The following ERMP1 variants were observed in gnomAD, a reference collection of about 807,000 sequenced individuals.
ERMP1 encodes endoplasmic reticulum metallopeptidase 1.
In ERMP1, 86 loss-of-function variants were observed where a neutral mutation model predicts 92.0. The ratio of observed to expected loss-of-function variants is 0.93; its 90% CI spans 0.79 to 1.12. The LOEUF is 1.12. Among genes scored for constraint, ERMP1 ranks in the 50% most tolerant of loss-of-function variants. ERMP1 has a pLI of 0.00. For synonymous variants in ERMP1, 530 were observed against 412.8 expected (o/e 1.28, Z -3.44); for missense variants, 1,342 against 1,116.3 (o/e 1.20, Z -2.88).
At chr9:5,855,180 T>C (rs899726257) in intron 6 of ERMP1, among the ~76,000 whole-genome samples, 7 of 152,130 alleles carry the variant, frequency 4.6e-5, no homozygotes, top group African/African-American at 1.7e-4. Flanking sequence ...CAAAAATATA[T>C]AGTCTAAAAA....
chr9:5,843,784 TC>T (rs1012650760), intron 6 of ERMP1, among the ~76,000 whole-genome samples: 26 of 152,230 alleles, frequency 1.7e-4, no homozygotes, highest in African/African-American at 5.8e-4. Flanking sequence ...CTCATCCCCA[TC>T]CCCTACCACG....
In ERMP1 at chr9:5,784,702, C is replaced by T. The variant is rs1827865089; in HGVS notation, c.*2442G>A. The T allele has an allele frequency of 6.7e-6, 1 of 148,566 alleles. No individual in the cohort carries two copies. The highest frequency in any genetic ancestry group is 1.5e-5 in the Non-Finnish European group (1 of 67,468). 9.2% of individuals were successfully genotyped at this position (148,566 alleles called of 1,614,324 possible). A position where few individuals can be genotyped will look rare whatever the true frequency, so the allele number is the denominator to read the frequency against. ...TGAGACAGCAGGCTGGCTTGTGGCC[C>T]CCTGGGTGGTAACATCTTAAGGAAT... On this transcript the variant is annotated 3_prime_UTR_variant, in exon 15 of 15. Coordinates refer to ENST00000339450, the MANE Select transcript of ERMP1 (RefSeq NM_024896.3).
chr9:5,830,705 T>C (rs1479557135), intron 2 of ERMP1, 22 bp downstream of exon 2: 3 of 1,574,994 alleles, frequency 1.9e-6, no homozygotes, highest in East Asian at 2.3e-5. Context: ...AAGTTCCAAA[T>C]GACTAAAAAA....
upstream of ERMP1, among the ~76,000 whole-genome samples, chr9:5,834,977 A>ATGTGTGTGTGTG (rs71326191): frequency 1.6e-5 from 2 of 125,086 alleles, no homozygotes; most frequent in African/African-American, 6.2e-5. Context: ...GGATAGATAG[A>ATGTGTGTGTGTG]TGTGTGTGTG....
In ERMP1 at chr9:5,832,684, C is replaced by T; in HGVS notation, c.338+6G>A. On this transcript the variant is annotated splice_donor_region_variant and intron_variant, in intron 1 of 14. Coordinates refer to ENST00000339450, the MANE Select transcript of ERMP1 (RefSeq NM_024896.3). ...GCGGGCCGTGCCAGGAGGGAGCGGCCGGTACCTGGCTTGGAGCGCGTCGAA... is the reference window on the plus strand; with the variant it reads ...GCGGGCCGTGCCAGGAGGGAGCGGCTGGTACCTGGCTTGGAGCGCGTCGAA... 1 of 1,430,954 alleles carries T rather than the reference C, an allele frequency of 7.0e-7. No individual in the cohort carries two copies. Among genetic ancestry groups the T allele is most frequent in the Non-Finnish European group, 9.1e-7 (1 of 1,098,746 alleles). The allele number at this position is 1,430,954 out of a possible 1,614,324, so 88.6% of individuals were successfully genotyped here.
chr9:5,825,920 T>G (rs1340837667), intron 2 of ERMP1, among the ~76,000 whole-genome samples: 2 of 152,226 alleles, frequency 1.3e-5, no homozygotes, highest in Admixed American at 6.5e-5. Flanking sequence ...CTGTCTTGCT[T>G]TTTTAAAGCA....
At chr9:5,823,224 G>A (rs1308306447) in intron 4 of ERMP1, among the ~76,000 whole-genome samples, 5 of 152,042 alleles carry the variant, frequency 3.3e-5, no homozygotes, top group African/African-American at 1.2e-4. Context: ...GGTCAAGGCT[G>A]CATGATGGCA....
chr9:5,788,323 T>C (rs1198554141), intron 13 of ERMP1, among the ~76,000 whole-genome samples: 3 of 152,102 alleles, frequency 2.0e-5, no homozygotes, highest in Non-Finnish European at 4.4e-5. Context: ...AATACTACTA[T>C]AGTGTCCAGT....
chr9:5,836,913 T>C (rs978650618), upstream of ERMP1, among the ~76,000 whole-genome samples: 5 of 152,112 alleles, frequency 3.3e-5, no homozygotes, highest in South Asian at 4.2e-4. Flanking sequence ...GAGAGGGTAA[T>C]TGCACTCTAC....
At chr9:5,812,643 T>A in intron 5 of ERMP1, 1 of 520,290 alleles carries the variant, frequency 1.9e-6, no homozygotes, top group South Asian at 2.2e-5. Context: ...CTTTTGGGAA[T>A]GAGGTGCTAA....
In ERMP1 at chr9:5,811,304, A is replaced by G; in HGVS notation, c.1134T>C (p.Val378=). 1 of 1,613,174 alleles carries G rather than the reference A, an allele frequency of 6.2e-7. No homozygotes were observed. The highest frequency in any genetic ancestry group is 8.5e-7 in the Non-Finnish European group (1 of 1,179,636). The change falls in exon 7 of 15, where the codon GTT becomes GTC. Residue 378 remains valine (V), a synonymous_variant. Transcript: ENST00000339450. The part of the protein sequence containing the change: ...IQRAGDNILA[V]LKHLATSDML... ...TATCAGATGTAGCTAGATGCTTAAG[A>G]ACTGCTAAAATGTTGTCACCTATTA... is the stretch of plus-strand genomic sequence containing the variant.
intron 5 of ERMP1, among the ~76,000 whole-genome samples, chr9:5,861,590 A>T (rs2129782774): frequency 6.6e-6 from 1 of 152,274 alleles, no homozygotes; most frequent in South Asian, 2.1e-4. Context: ...GATGCACAAG[A>T]CAGGGCCTCT....
rs1051304530 is a variant in ERMP1 at position 5,824,948 on chromosome 9, C to G, written c.768+144G>C. The G allele has an allele frequency of 5.5e-6, 4 of 728,436 alleles. No homozygotes were observed. The Admixed American group carries it at 8.2e-5, about 15-fold the overall frequency. 45.1% of individuals were successfully genotyped at this position (728,436 alleles called of 1,614,324 possible). ...TGGTTGTGAATTTGTTAAAGTACTG[C>G]TCATAAAGTATTTTTCTGCATATTA... is the stretch of plus-strand genomic sequence containing the variant. On this transcript the variant is annotated intron_variant, in intron 3 of 14. Coordinates refer to ENST00000339450, the MANE Select transcript of ERMP1 (RefSeq NM_024896.3).
At chr9:5,794,572 TA>T (rs1312299033) in intron 13 of ERMP1, among the ~76,000 whole-genome samples, 1 of 152,108 alleles carries the variant, frequency 6.6e-6, no homozygotes, top group Non-Finnish European at 1.5e-5. Context: ...GACATCATTA[TA>T]GATCCCATGA....
intron 5 of ERMP1, among the ~76,000 whole-genome samples, chr9:5,861,328 G>GA (rs1172670078): frequency 2.6e-5 from 4 of 151,046 alleles, no homozygotes; most frequent in Non-Finnish European, 4.4e-5. Context: ...GAATTTGGGT[G>GA]AAAAAAAAGT....
chr9:5,832,690 C>A lies in ERMP1; in HGVS notation c.338G>T (p.Arg113Met). ...CGTGCCAGGAGGGAGCGGCCGGTAC[C>A]TGGCTTGGAGCGCGTCGAACTCCCC... ...HRGEFDALQA[R>M]DYLEHITSIG... Residue 113 changes from arginine to methionine, a missense_variant and splice_region_variant, in exon 1 of 15, where the codon AGG becomes ATG. Arg to Met is a moderately conservative substitution (Grantham distance 91, BLOSUM62 -1). Transcript: ENST00000339450. The A allele has an allele frequency of 6.9e-7, 1 of 1,446,216 alleles. No individual in the cohort carries two copies. Among genetic ancestry groups the A allele is most frequent in the Non-Finnish European group, 9.0e-7 (1 of 1,106,332 alleles). The allele number at this position is 1,446,216 out of a possible 1,614,324, so 89.6% of individuals were successfully genotyped here.
intron 4 of ERMP1, among the ~76,000 whole-genome samples, chr9:5,817,011 G>C (rs1277685076): frequency 6.7e-6 from 1 of 150,248 alleles, no homozygotes; most frequent in African/African-American, 2.5e-5. Context: ...CCATTCTCCT[G>C]CCTCAGCCTC....
chr9:5,854,897 T>A (rs1586841991), intron 6 of ERMP1, among the ~76,000 whole-genome samples: 1 of 152,312 alleles, frequency 6.6e-6, no homozygotes, highest in East Asian at 1.9e-4. Context: ...CCCATGTTTT[T>A]TGAGGATTCC....
At chr9:5,795,554 C>G (rs1017302164) in intron 13 of ERMP1, among the ~76,000 whole-genome samples, 2 of 152,118 alleles carry the variant, frequency 1.3e-5, no homozygotes, top group African/African-American at 4.8e-5. Flanking sequence ...CTGAGGCAGG[C>G]GGATCACAAG....
Sources: gnomAD v4.1 joint callset for allele counts (sites outside exome capture counted in the v4.1 genomes callset) on GRCh38, gnomAD v4.1.1 for gene constraint, MANE v1.5 for transcripts, NCBI Gene and HGNC (gene_info 2026-07-23, HGNC 2026-07-21) for gene names.